The following FAM149A variants were observed in gnomAD, a reference collection of about 807,000 sequenced individuals.
FAM149A encodes the protein family with sequence similarity 149 member A, also known as protein FAM149A.
In FAM149A, 71 loss-of-function variants were observed where a neutral mutation model predicts 78.2. That is an observed-to-expected ratio of 0.91 (90% CI 0.75 to 1.11). FAM149A has a LOEUF of 1.11. Ranked by LOEUF, FAM149A falls within the 50% of genes least tolerant of loss-of-function variation. The pLI is 0.00. For missense variants in FAM149A, 1,036 were observed against 971.0 expected (o/e 1.07, Z -0.89); for synonymous variants, 446 against 410.5 (o/e 1.09, Z -1.04).
intron 1 of FAM149A, chr4:186,109,508 C>T: frequency 1.0e-6 from 1 of 985,314 alleles, no homozygotes; most frequent in Non-Finnish European, 1.2e-6. Context: ...TGGATTCCAC[C>T]TCAAACCGAT....
intron 11 of FAM149A, 80 bp from the exon 12 acceptor site, chr4:186,166,888 G>T: frequency 1.4e-6 from 2 of 1,424,460 alleles, no homozygotes; most frequent in South Asian, 1.2e-5. Context: ...ATGAGTGAAC[G>T]ATTGAGCATG....
At chr4:186,117,734 T>C (rs1280023196) in intron 1 of FAM149A, 32 of 912,252 alleles carry the variant, frequency 3.5e-5, no homozygotes, top group Middle Eastern at 5.5e-4. Context: ...GGTAGAGAAG[T>C]GGCAGGAGCA....
intron 1 of FAM149A, chr4:186,126,174 A>AATT (rs2099318254): frequency 1.2e-6 from 1 of 866,208 alleles, no homozygotes; most frequent in Admixed American, 6.2e-5. Flanking sequence ...TACTAGGGGT[A>AATT]CCTCGAGTAA....
At chr4:186,169,085 T>C (rs1735314836) in intron 13 of FAM149A, 1 of 461,580 alleles carries the variant, frequency 2.2e-6, no homozygotes, top group South Asian at 9.2e-5. Context: ...ATCTGGGAAG[T>C]AGTTGGAGCA....
chr4:186,107,526 T>G (rs1232916821), intron 1 of FAM149A: 1 of 152,252 alleles, frequency 6.6e-6, no homozygotes, highest in African/African-American at 2.4e-5. Flanking sequence ...TCAAGCGATC[T>G]GATTCTCCCG....
chr4:186,168,788 G>C (rs1735283072), intron 13 of FAM149A, among the ~76,000 whole-genome samples: 1 of 152,206 alleles, frequency 6.6e-6, no homozygotes, highest in Non-Finnish European at 1.5e-5. Context: ...GATTCAAACA[G>C]CAGGGGTGTT....
intron 1 of FAM149A, chr4:186,116,622 TCTCA>T (rs2099313836): frequency 1.0e-6 from 1 of 974,046 alleles, no homozygotes; most frequent in Admixed American, 6.2e-5. Flanking sequence ...TGAGACAGAG[TCTCA>T]CTCTGTCACC....
At chr4:186,167,657 A>G (rs1370913726) in intron 13 of FAM149A, 1 of 307,810 alleles carries the variant, frequency 3.2e-6, no homozygotes, top group Non-Finnish European at 6.4e-6. Context: ...GAAAATTAAC[A>G]CAGATTTGCT....
Position 186,125,890 on chromosome 4 carries a change from T to A in FAM149A, c.566+20248T>A. ...AGAGGAGTGGAATCACACGAACGAG[T>A]GTGGCACCCTCTCTGTGTCCTGCAG... is the stretch of plus-strand genomic sequence containing the variant. On this transcript the variant is annotated intron_variant, in intron 1 of 13. Transcript: ENST00000389354. The A allele has an allele frequency of 3.0e-6, 3 of 985,112 alleles. No individual in the cohort carries two copies. The South Asian group carries it at 1.4e-4, about 46-fold the overall frequency. The allele number at this position is 985,112 out of a possible 1,614,324, so 61.0% of individuals were successfully genotyped here. A position where few individuals can be genotyped will look rare whatever the true frequency, so the allele number is the denominator to read the frequency against.
At chr4:186,155,048 C>A (rs994108227) in intron 6 of FAM149A, 4 of 556,846 alleles carry the variant, frequency 7.2e-6, no homozygotes, top group Non-Finnish European at 6.8e-6. Flanking sequence ...CTGCAAACTC[C>A]GCCTCCCGGG....
rs912603180 is a variant in FAM149A, at chr4:186,132,941, G to A, written c.567-16232G>A. Reference sequence around the variant, plus strand: ...TCATGTTAAGCCCTGAACCCCCAGTGTGATGGTATTTGGAGATGGATTTTT... The same window carrying A: ...TCATGTTAAGCCCTGAACCCCCAGTATGATGGTATTTGGAGATGGATTTTT... On this transcript the variant is annotated intron_variant, in intron 1 of 13. Transcript: ENST00000389354. The A allele has an allele frequency of 3.1e-6, 3 of 982,494 alleles. No individual in the cohort carries two copies. The African/African-American group carries it at 5.3e-5, about 17-fold the overall frequency. 60.9% of individuals were successfully genotyped at this position (982,494 alleles called of 1,614,324 possible).
chr4:186,130,531 T>C (rs1243710208), intron 1 of FAM149A, among the ~76,000 whole-genome samples: 1 of 150,580 alleles, frequency 6.6e-6, no homozygotes, highest in African/African-American at 2.4e-5. Context: ...ATTTTTTTTT[T>C]GTATTTCTGT....
intron 1 of FAM149A, chr4:186,132,967 T>A (rs2126364873): frequency 1.0e-6 from 1 of 985,342 alleles, no homozygotes; most frequent in Non-Finnish European, 1.2e-6. Context: ...ATGGATTTTT[T>A]AAAAGAGACA....
At chr4:186,109,633 T>G (rs1331026220) in intron 1 of FAM149A, 3 of 984,636 alleles carry the variant, frequency 3.0e-6, no homozygotes, top group Non-Finnish European at 3.6e-6. Context: ...AGAAATTAAT[T>G]GAAATAATAA....
intron 7 of FAM149A, 103 bp from the exon 8 acceptor site, chr4:186,157,462 C>G: frequency 8.4e-7 from 1 of 1,190,912 alleles, no homozygotes; most frequent in Non-Finnish European, 1.2e-6. Context: ...AGCATGGGCT[C>G]GTGGTAGCTC....
intron 1 of FAM149A, among the ~76,000 whole-genome samples, chr4:186,145,744 A>G (rs577080021): frequency 6.6e-6 from 1 of 152,340 alleles, no homozygotes; most frequent in Admixed American, 6.5e-5. Context: ...TTTAAACAGT[A>G]TGGACAGGAA....
rs200190844 is a variant in FAM149A at position 186,163,633 on chromosome 4, T to C, written c.1889T>C (p.Leu630Pro). The C allele has an allele frequency of 8.7e-6, 14 of 1,611,272 alleles. No homozygotes were observed. The highest frequency in any genetic ancestry group is 4.4e-5 in the South Asian group (4 of 90,724). ...GACGAAGTTCTTCGGGGAACAAAACTGTGAGTCTCATTTCTTTCATAGTAA... is the reference window on the plus strand; with the variant it reads ...GACGAAGTTCTTCGGGGAACAAAACCGTGAGTCTCATTTCTTTCATAGTAA... The change falls in exon 10 of 14, where the codon CTG becomes CCG. Residue 630 changes from leucine to proline, a missense_variant and splice_region_variant. Leu to Pro is a moderately conservative substitution (Grantham distance 98, BLOSUM62 -3). This residue lies in a region of FAM149A where 716 missense variants were observed against 711.8 expected (regional missense o/e 1.01). Coordinates refer to ENST00000389354, the MANE Select transcript of FAM149A (RefSeq NM_001367768.3).
intron 8 of FAM149A, among the ~76,000 whole-genome samples, chr4:186,159,184 G>C (rs1220032642): frequency 1.3e-5 from 2 of 151,796 alleles, no homozygotes; most frequent in African/African-American, 4.8e-5. Context: ...ATACAGAGGT[G>C]AATCCTAGTG....
At chr4:186,150,204 C>G (rs4862649) in intron 3 of FAM149A, among the ~76,000 whole-genome samples, 70,280 of 151,682 alleles carry the variant, frequency 0.46, 16,668 homozygotes, top group East Asian at 0.53. Context: ...TCTGCCTCCA[C>G]TGCTCCAGCT....
Sources: gnomAD v4.1 joint callset for allele counts (sites outside exome capture counted in the v4.1 genomes callset) on GRCh38, gnomAD v4.1.1 for gene constraint, gnomAD v4.1.1 regional missense constraint, MANE v1.5 for transcripts, NCBI Gene and HGNC (gene_info 2026-07-23, HGNC 2026-07-21) for gene names.